The following ABI1 variants were observed in gnomAD, a reference collection of about 807,000 sequenced individuals.
The protein encoded by ABI1 is Abelson interactor 1.
In ABI1, 14 loss-of-function variants were observed where a neutral mutation model predicts 54.6. The observed-to-expected ratio is 0.26, with a 90% CI of 0.17 to 0.40. The LOEUF is 0.40. Among genes scored for constraint, ABI1 ranks in the 10% least tolerant of loss-of-function variants. ABI1 has a pLI of 1.00. For missense variants in ABI1, 443 were observed against 598.3 expected (o/e 0.74, Z 2.71); for synonymous variants, 194 against 209.3 (o/e 0.93, Z 0.63).
chr10:26,816,678 T>C (rs1245991014), intron 2 of ABI1, among the ~76,000 whole-genome samples: 2 of 152,264 alleles, frequency 1.3e-5, no homozygotes, highest in South Asian at 2.1e-4. Context: ...TTTTACATTA[T>C]GGTATACTAA....
Position 26,769,011 on chromosome 10 carries a change from G to A in ABI1, c.579-19C>T, listed in dbSNP as rs1840325742. 3 of 1,552,646 alleles carry A rather than the reference G, an allele frequency of 1.9e-6. No individual in the cohort carries two copies. Among genetic ancestry groups the A allele is most frequent in the Middle Eastern group, 1.9e-4 (1 of 5,320 alleles). ...ATTCCGTCTAAAGGAGCATAGTGGA[G>A]AAAGGAATAATGAATAAAAAAGATA... On this transcript the variant is annotated intron_variant, in intron 5 of 10. Coordinates refer to ENST00000376140, the MANE Select transcript of ABI1 (RefSeq NM_001012750.3).
chr10:26,823,742 T>C (rs2048132868), intron 1 of ABI1, among the ~76,000 whole-genome samples: 1 of 152,202 alleles, frequency 6.6e-6, no homozygotes. Flanking sequence ...TTCCTTGTTA[T>C]CTATGATGAT....
chr10:26,800,002 C>T (rs1332241644), intron 2 of ABI1, among the ~76,000 whole-genome samples: 2 of 78,456 alleles, frequency 2.5e-5, no homozygotes, highest in African/African-American at 9.2e-5. Flanking sequence ...ACCACAAAAA[C>T]GTAAAAAAAA....
chr10:26,816,650 T>C (rs2047581824), intron 2 of ABI1, among the ~76,000 whole-genome samples: 1 of 152,228 alleles, frequency 6.6e-6, no homozygotes, highest in Non-Finnish European at 1.5e-5. Context: ...AACCCTTTAA[T>C]TCTCAATACC....
intron 1 of ABI1, among the ~76,000 whole-genome samples, chr10:26,845,879 A>C (rs1325850686): frequency 1.3e-5 from 2 of 151,848 alleles, no homozygotes; most frequent in Non-Finnish European, 2.9e-5. Context: ...ACAGTGGCTC[A>C]TGCCTGTAAT....
intron 3 of ABI1, among the ~76,000 whole-genome samples, chr10:26,774,934 C>T (rs1219973337): frequency 6.6e-6 from 1 of 152,040 alleles, no homozygotes; most frequent in African/African-American, 2.4e-5. Flanking sequence ...AGGGTCTACT[C>T]TCTTCAAACA....
rs576529037 is a variant in ABI1 at position 26,807,812 on chromosome 10, C to T, written c.285+15326G>A. 4.6e-5 allele frequency among the ~76,000 whole-genome samples: 7 copies of T among 152,336 alleles called. No individual in the cohort carries two copies. The South Asian group carries it at 1.4e-3, about 32-fold the overall frequency. ...CTAGCTACAAAAATAGCAAACCCAG[C>T]CGGGCATGGTGGCTCACGTTTGTAA... On this transcript the variant is annotated intron_variant, in intron 2 of 10. Transcript: ENST00000376140.
chr10:26,759,602 T>TG (rs1838845074), intron 7 of ABI1, among the ~76,000 whole-genome samples: 3 of 152,200 alleles, frequency 2.0e-5, no homozygotes, highest in Admixed American at 2.0e-4. Context: ...TACCAAAAGA[T>TG]GGTGTGAGGT....
intron 2 of ABI1, among the ~76,000 whole-genome samples, chr10:26,804,306 C>T (rs1369668621): frequency 6.6e-6 from 1 of 151,940 alleles, no homozygotes; most frequent in Non-Finnish European, 1.5e-5. Context: ...TCTCTTGAAC[C>T]CGGGAGACAG....
chr10:26,770,773 T>G (rs1461640900), intron 4 of ABI1, among the ~76,000 whole-genome samples: 1 of 152,184 alleles, frequency 6.6e-6, no homozygotes, highest in Non-Finnish European at 1.5e-5. Context: ...ATATGATGTC[T>G]GGGAAACCTC....
At chr10:26,761,720 A>C (rs1839254843) in intron 7 of ABI1, among the ~76,000 whole-genome samples, 2 of 146,946 alleles carry the variant, frequency 1.4e-5, no homozygotes, top group Non-Finnish European at 3.0e-5. Flanking sequence ...ACAAATTTAT[A>C]AACTTTTGTA....
At chr10:26,810,909 T>G (rs1588948857) in intron 2 of ABI1, among the ~76,000 whole-genome samples, 2 of 149,320 alleles carry the variant, frequency 1.3e-5, no homozygotes, top group African/African-American at 2.5e-5. Flanking sequence ...AGTAAGGGGG[T>G]AGGGAAAGAA....
intron 2 of ABI1, among the ~76,000 whole-genome samples, chr10:26,807,435 TCA>T (rs1047615751): frequency 3.3e-5 from 5 of 151,998 alleles, no homozygotes; most frequent in African/African-American, 1.2e-4. Flanking sequence ...TGAACCATAA[TCA>T]CACCACTGCA....
rs2927923 is a variant in ABI1 at position 26,758,066 on chromosome 10, C to T, written c.997+996G>A. On this transcript the variant is annotated intron_variant, in intron 8 of 10. Coordinates refer to ENST00000376140, the MANE Select transcript of ABI1 (RefSeq NM_001012750.3). The stretch of plus-strand genomic sequence containing the variant: ...CTGGGCGACAAGAGTGAAACTCTGT[C>T]TCAAAAAAAAAAAAAAAAAAAAAAA... Among the ~76,000 whole-genome samples, 5 of 58,808 alleles carry T rather than the reference C, an allele frequency of 8.5e-5. No individual in the cohort carries two copies. In the Admixed American group the frequency reaches 1.3e-3, roughly 15 times the overall value. The allele number at this position is 58,808 out of a possible 152,430, so 38.6% of individuals were successfully genotyped here. A position where few individuals can be genotyped will look rare whatever the true frequency, so the allele number is the denominator to read the frequency against.
chr10:26,781,883 T>A (rs1842160574), intron 2 of ABI1, among the ~76,000 whole-genome samples: 1 of 152,198 alleles, frequency 6.6e-6, no homozygotes, highest in South Asian at 2.1e-4. Context: ...GCTGGATCCA[T>A]CATCATACCA....
At chr10:26,858,991 C>A (rs142226561) in intron 1 of ABI1, among the ~76,000 whole-genome samples, 30 of 152,256 alleles carry the variant, frequency 2.0e-4, no homozygotes, top group Admixed American at 1.4e-3. Flanking sequence ...TTTCAAAAAT[C>A]TTTAAAACTT....
At chr10:26,771,647 A>C (rs1218613523) in intron 3 of ABI1, among the ~76,000 whole-genome samples, 1 of 152,186 alleles carries the variant, frequency 6.6e-6, no homozygotes, top group Non-Finnish European at 1.5e-5. Flanking sequence ...CAAATTCATC[A>C]TGCACAGTGA....
intron 2 of ABI1, among the ~76,000 whole-genome samples, chr10:26,788,652 C>T (rs1175697241): frequency 3.3e-4 from 50 of 152,014 alleles, no homozygotes; most frequent in Non-Finnish European, 1.5e-5. Context: ...GTGGCTCACG[C>T]CTGTAATCCC....
rs755627244 is a variant in ABI1 at position 26,770,364 on chromosome 10, T to C, written c.478-19A>G. 58 of 1,599,978 alleles carry C rather than the reference T, an allele frequency of 3.6e-5. No homozygotes were observed. Among genetic ancestry groups the C allele is most frequent in the Non-Finnish European group, 4.8e-5 (56 of 1,167,426 alleles). ...TTCCATGCTAAAATGTAGAAAGAAA[T>C]GCTTTTATTTTTATATCAAATTGTT... On this transcript the variant is annotated intron_variant, in intron 4 of 10. Transcript: ENST00000376140.
Sources: gnomAD v4.1 joint callset for allele counts (sites outside exome capture counted in the v4.1 genomes callset) on GRCh38, gnomAD v4.1.1 for gene constraint, MANE v1.5 for transcripts, NCBI Gene and HGNC (gene_info 2026-07-23, HGNC 2026-07-21) for gene names.